PCDH15: variants seen among roughly 807,000 people sequenced by gnomAD.
PCDH15 encodes the protein protocadherin-15.
In PCDH15, 129 loss-of-function variants were observed where a neutral mutation model predicts 178.5. The ratio of observed to expected loss-of-function variants is 0.72; its 90% confidence interval spans 0.63 to 0.84. PCDH15 has a LOEUF of 0.84. Among genes scored for constraint, PCDH15 ranks in the 40% least tolerant of loss-of-function variants. The pLI, the probability that PCDH15 is intolerant of heterozygous loss-of-function variation, is 0.00. For missense variants in PCDH15, 2,230 were observed against 2,099.9 expected (o/e 1.06, Z -1.21); for synonymous variants, 800 against 732.0 (o/e 1.09, Z -1.50).
At chr10:54,839,819 T>C (rs1313140251) in intron 3 of PCDH15, among the ~76,000 whole-genome samples, 1 of 151,968 alleles carries the variant, frequency 6.6e-6, no homozygotes, top group African/African-American at 2.4e-5. Flanking sequence ...AGCGTATTTC[T>C]CAGCAGAAGC....
intron 9 of PCDH15, among the ~76,000 whole-genome samples, chr10:54,216,913 T>C (rs949063819): frequency 1.1e-4 from 17 of 152,272 alleles, no homozygotes; most frequent in African/African-American, 4.1e-4. Context: ...TAATGATAAA[T>C]GATAGATATC....
At chr10:53,944,561 C>T (rs1374621887) in intron 23 of PCDH15, among the ~76,000 whole-genome samples, 2 of 152,076 alleles carry the variant, frequency 1.3e-5, no homozygotes, top group African/African-American at 2.4e-5. Context: ...TTAAGCTTTT[C>T]GCACCTGATT....
rs141365343 is a variant in PCDH15, at chr10:54,101,835, T to A, written c.1918-11772A>T. 1.6e-4 allele frequency among the ~76,000 whole-genome samples: 25 copies of A among 151,978 alleles called. No individual in the cohort carries two copies. The East Asian group carries it at 4.8e-3, about 29-fold the overall frequency. On this transcript the variant is annotated intron_variant, in intron 15 of 37. Coordinates refer to ENST00000644397, the MANE Select transcript of PCDH15 (RefSeq NM_001384140.1). ...AAAAAAGATAAGAAAATTAGCTGTG[T>A]GTGGTGTTGTGCAACTGTAGTCTCA...
At chr10:53,993,374 T>G (rs1051140561) in intron 21 of PCDH15, among the ~76,000 whole-genome samples, 1 of 152,174 alleles carries the variant, frequency 6.6e-6, no homozygotes, top group Non-Finnish European at 1.5e-5. Flanking sequence ...GAGTTAGACA[T>G]GAGAATACAA....
chr10:53,979,765 C>T (rs1227107331), intron 21 of PCDH15, among the ~76,000 whole-genome samples: 1 of 152,134 alleles, frequency 6.6e-6, no homozygotes, highest in African/African-American at 2.4e-5. Context: ...GGAGGTGCTA[C>T]AACTAGAGAA....
intron 6 of PCDH15, among the ~76,000 whole-genome samples, chr10:54,331,066 G>C (rs1281247638): frequency 6.6e-6 from 1 of 151,688 alleles, no homozygotes; most frequent in Non-Finnish European, 1.5e-5. Context: ...GTGTATGTGA[G>C]AGAGAAACAG....
intron 2 of PCDH15, among the ~76,000 whole-genome samples, chr10:55,540,515 C>A (rs968793794): frequency 6.6e-6 from 1 of 151,992 alleles, no homozygotes; most frequent in Non-Finnish European, 1.5e-5. Flanking sequence ...TATGAAAAAA[C>A]AAACCTTCAC....
At chr10:53,824,756 T>C (rs2076561766) in intron 32 of PCDH15, among the ~76,000 whole-genome samples, 2 of 152,102 alleles carry the variant, frequency 1.3e-5, no homozygotes, top group Admixed American at 6.5e-5. Context: ...TGATTTCTCT[T>C]GGTAAAGCAC....
intron 3 of PCDH15, among the ~76,000 whole-genome samples, chr10:54,818,355 TC>T (rs1469371066): frequency 2.6e-5 from 4 of 152,092 alleles, no homozygotes; most frequent in African/African-American, 9.6e-5. Flanking sequence ...GATGGCCACA[TC>T]CGTAGTCCCC....
intron 2 of PCDH15, chr10:54,600,193 T>C: frequency 1.6e-6 from 1 of 631,390 alleles, no homozygotes; most frequent in Non-Finnish European, 3.0e-6. Flanking sequence ...CATTACCAAA[T>C]TGGTAAAGGT....
chr10:54,953,640 C>A (rs183073785), intron 2 of PCDH15, among the ~76,000 whole-genome samples: 1,992 of 151,194 alleles, frequency 0.013, 105 homozygotes, highest in Admixed American at 0.094. Context: ...TTCTAATAGT[C>A]TAAAATTATT....
intron 2 of PCDH15, among the ~76,000 whole-genome samples, chr10:55,475,063 G>A (rs576080852): frequency 6.6e-6 from 1 of 152,172 alleles, no homozygotes; most frequent in South Asian, 2.1e-4. Flanking sequence ...TATAAAGGAA[G>A]GTGCAGGGAG....
chr10:54,504,239 A>G (rs1458072803), intron 3 of PCDH15, among the ~76,000 whole-genome samples: 3 of 152,168 alleles, frequency 2.0e-5, no homozygotes, highest in Non-Finnish European at 2.9e-5. Context: ...CTATATAGGC[A>G]TGAAGAACTA....
chr10:54,972,305 C>T (rs1462957771), intron 2 of PCDH15, among the ~76,000 whole-genome samples: 2 of 151,650 alleles, frequency 1.3e-5, no homozygotes, highest in Admixed American at 6.6e-5. Flanking sequence ...TTTGGGAGGC[C>T]GAGGTGGGCG....
chr10:54,383,397 A>G (rs1218079886), intron 3 of PCDH15, among the ~76,000 whole-genome samples: 2 of 152,210 alleles, frequency 1.3e-5, no homozygotes, highest in African/African-American at 4.8e-5. Context: ...AAGTCATACT[A>G]CTAAGATCAA....
chr10:54,887,867 A>C (rs1683859476), intron 3 of PCDH15, among the ~76,000 whole-genome samples: 1 of 152,154 alleles, frequency 6.6e-6, no homozygotes, highest in Non-Finnish European at 1.5e-5. Context: ...AACAATGAAA[A>C]ACAAATAATT....
chr10:54,991,434 A>C (rs1284314939), intron 2 of PCDH15, among the ~76,000 whole-genome samples: 1 of 152,154 alleles, frequency 6.6e-6, no homozygotes, highest in African/African-American at 2.4e-5. Context: ...ATAACCAAAC[A>C]TTTTACTTTA....
intron 3 of PCDH15, among the ~76,000 whole-genome samples, chr10:54,524,097 C>T (rs1462087174): frequency 1.3e-5 from 2 of 152,126 alleles, no homozygotes; most frequent in Admixed American, 6.5e-5. Flanking sequence ...GCAACTCACT[C>T]CCCAAATAAC....
At chr10:54,072,745 T>C (rs2094268529) in intron 17 of PCDH15, among the ~76,000 whole-genome samples, 1 of 152,128 alleles carries the variant, frequency 6.6e-6, no homozygotes, top group African/African-American at 2.4e-5. Context: ...TTCCACAGGT[T>C]CCATGGGAGG....
Sources: allele counts gnomAD v4.1 joint callset (sites outside exome capture counted in the v4.1 genomes callset), GRCh38; gene constraint gnomAD v4.1.1; transcripts MANE v1.5; gene names NCBI Gene and HGNC (gene_info 2026-07-23, HGNC 2026-07-21).